Variants in TRPC5 observed in about 807,000 individuals in gnomAD.
The protein encoded by TRPC5 is short transient receptor potential channel 5.
A neutral mutation model predicts 56.5 loss-of-function variants in TRPC5; 9 were observed. The ratio of observed to expected loss-of-function variants is 0.16; its 90% CI spans 0.10 to 0.28. The LOEUF is 0.28. TRPC5 is among the 10% of genes least tolerant of loss of function. TRPC5 has a pLI of 1.00. For missense variants in TRPC5, 469 were observed against 748.9 expected (o/e 0.63, Z 4.36); for synonymous variants, 282 against 278.5 (o/e 1.01, Z -0.13).
chrX:111,906,490 G>C (rs776514185), intron 3 of TRPC5, among the ~76,000 whole-genome samples: 2 of 111,813 alleles, frequency 1.8e-5, no homozygotes, highest in South Asian at 7.5e-4. Context: ...TTAAACTTGG[G>C]GGAACACGCC....
intron 2 of TRPC5, among the ~76,000 whole-genome samples, chrX:111,924,841 G>A (rs1017015901): frequency 1.8e-5 from 2 of 112,492 alleles, no homozygotes; most frequent in African/African-American, 6.5e-5. Context: ...GTCCTCCAGA[G>A]CAGCAGGAGT....
chrX:111,846,776 G>A (rs1753227787), intron 6 of TRPC5, among the ~76,000 whole-genome samples: 1 of 111,781 alleles, frequency 8.9e-6, no homozygotes, highest in Admixed American at 9.5e-5. Flanking sequence ...GCCACATTTC[G>A]AGTGAGGAAT....
intron 6 of TRPC5, among the ~76,000 whole-genome samples, 175 bp downstream of exon 6, chrX:111,846,939 G>A (rs973622303): frequency 9.0e-6 from 1 of 111,480 alleles, no homozygotes; most frequent in African/African-American, 3.3e-5. Flanking sequence ...GTACCCTGTA[G>A]CAAGAGAAGA....
intron 1 of TRPC5, among the ~76,000 whole-genome samples, chrX:112,057,840 A>G (rs748772521): frequency 8.9e-5 from 10 of 111,985 alleles, no homozygotes; most frequent in Non-Finnish European, 1.5e-4. Flanking sequence ...TCTGGTCCCC[A>G]CTACCACAGA....
At chrX:111,841,935 T>C (rs1286473772) in intron 6 of TRPC5, among the ~76,000 whole-genome samples, 2 of 107,101 alleles carry the variant, frequency 1.9e-5, no homozygotes, top group Non-Finnish European at 3.8e-5. Flanking sequence ...GGTCTCAAAC[T>C]CCTTACCTTA....
At chrX:111,793,439 C>T (rs181085022) in intron 7 of TRPC5, among the ~76,000 whole-genome samples, 1 of 112,036 alleles carries the variant, frequency 8.9e-6, no homozygotes, top group East Asian at 2.8e-4. Flanking sequence ...ACAACAAGCT[C>T]CTGAAAATAT....
intron 7 of TRPC5, among the ~76,000 whole-genome samples, chrX:111,824,620 T>C (rs886584852): frequency 6.3e-5 from 7 of 111,485 alleles, no homozygotes; most frequent in Admixed American, 5.7e-4. Context: ...GGTTCTGTGC[T>C]GAGCCAGGTA....
At chrX:111,806,513 A>G (rs1921519595) in intron 7 of TRPC5, among the ~76,000 whole-genome samples, 1 of 112,096 alleles carries the variant, frequency 8.9e-6, no homozygotes, top group Non-Finnish European at 1.9e-5. Context: ...GCCTCTCTGC[A>G]GGGCAACTCA....
chrX:111,903,335 G>A (rs1185718840), intron 3 of TRPC5: 1 of 112,119 alleles, frequency 8.9e-6, no homozygotes, highest in Non-Finnish European at 1.9e-5. Flanking sequence ...TAGTGGGGAC[G>A]GTGTTTTCAG....
intron 1 of TRPC5, among the ~76,000 whole-genome samples, chrX:111,993,848 GCC>G: frequency 9.0e-6 from 1 of 111,561 alleles, no homozygotes; most frequent in African/African-American, 3.3e-5. Flanking sequence ...CCCATTCTGT[GCC>G]GTGCCTGTTC....
chrX:111,995,146 C>A (rs1928487432), intron 1 of TRPC5, among the ~76,000 whole-genome samples: 1 of 111,597 alleles, frequency 9.0e-6, no homozygotes, highest in Admixed American at 9.5e-5. Flanking sequence ...TCCATCAATA[C>A]CCAGTTTATT....
Position 112,034,241 on chromosome X carries a change from T to C in TRPC5, c.-22+47638A>G, listed in dbSNP as rs182313509. Among the ~76,000 whole-genome samples the C allele has an allele frequency of 4.5e-5, 5 of 110,956 alleles. No individual in the cohort carries two copies. In the East Asian group the frequency reaches 8.5e-4, roughly 19 times the overall value. ...AAGCAGTATTGAAATCCTAACAATA[T>C]TAAGTTTTGCAATCCATGATGCAGA... is the stretch of plus-strand genomic sequence containing the variant. On this transcript the variant is annotated intron_variant, in intron 1 of 10. Transcript: ENST00000262839.
chrX:111,829,286 T>C (rs1366212582), intron 7 of TRPC5, among the ~76,000 whole-genome samples: 3 of 81,719 alleles, frequency 3.7e-5, no homozygotes, highest in Admixed American at 1.7e-4. Context: ...CGGGCGACAG[T>C]ATGAGACTCT....
chrX:111,992,882 G>T (rs1382797072), intron 1 of TRPC5, among the ~76,000 whole-genome samples: 1 of 110,394 alleles, frequency 9.1e-6, no homozygotes, highest in Non-Finnish European at 1.9e-5. Context: ...ACAGGTGTGT[G>T]CCCAGCCTTT....
At chrX:111,847,490 CTT>C in intron 5 of TRPC5, 54 bp from the exon 6 acceptor site, 4 of 1,101,418 alleles carry the variant, frequency 3.6e-6, no homozygotes, top group Non-Finnish European at 4.8e-6. Flanking sequence ...ATTTATAAAA[CTT>C]TCCCTTTTTT....
At chrX:111,840,460 A>C (rs759087785) in intron 6 of TRPC5, among the ~76,000 whole-genome samples, 2 of 112,768 alleles carry the variant, frequency 1.8e-5, no homozygotes, top group East Asian at 5.5e-4. Context: ...ATGACAGGAA[A>C]AAAAGTCTGT....
At chrX:111,842,103 GTGTATATATATATATTTTATATATATA>G (rs1187696577) in intron 6 of TRPC5, among the ~76,000 whole-genome samples, 1 of 86,832 alleles carries the variant, frequency 1.2e-5, no homozygotes, top group Non-Finnish European at 2.0e-5. Flanking sequence ...ATATGTATGT[GTGTATATATATATATTTTATATATATA>G]TGTATATATA....
At chrX:111,906,167 C>T (rs1348197494) in intron 3 of TRPC5, among the ~76,000 whole-genome samples, 2 of 108,806 alleles carry the variant, frequency 1.8e-5, no homozygotes, top group African/African-American at 6.7e-5. Flanking sequence ...CCAGCCTGGG[C>T]AACATGGTGA....
At chrX:111,991,771 C>G (rs1272261015) in intron 1 of TRPC5, among the ~76,000 whole-genome samples, 1 of 111,666 alleles carries the variant, frequency 9.0e-6, no homozygotes, top group Non-Finnish European at 1.9e-5. Flanking sequence ...TTGTCATAGC[C>G]TGGAAATCTC....
Sources: allele counts gnomAD v4.1 joint callset (sites outside exome capture counted in the v4.1 genomes callset), GRCh38; gene constraint gnomAD v4.1.1; transcripts MANE v1.5; gene names NCBI Gene and HGNC (gene_info 2026-07-23, HGNC 2026-07-21).